TRIOBP: variants seen among roughly 807,000 people sequenced by gnomAD.
TRIOBP encodes TRIO and F-actin binding protein, also known as TRIO and F-actin-binding protein.
A neutral mutation model predicts 238.8 loss-of-function variants in TRIOBP; 169 were observed. The ratio of observed to expected loss-of-function variants is 0.71; its 90% CI spans 0.62 to 0.80. The LOEUF (loss-of-function observed/expected upper bound fraction) is 0.80, where lower values mean the gene tolerates loss of function less well. Ranked by LOEUF, TRIOBP falls within the 30% of genes least tolerant of loss-of-function variation. The pLI, the probability that TRIOBP is intolerant of heterozygous loss-of-function variation, is 0.00. For synonymous variants in TRIOBP, 1,150 were observed against 1,274.4 expected, an observed-to-expected ratio of 0.90 and a Z score of 2.08; for missense variants, 2,838 against 3,122.6, an observed-to-expected ratio of 0.91 and a Z score of 2.17.
chr22:37,730,284 G>C (rs751986081), intron 7 of TRIOBP, among the ~76,000 whole-genome samples: 1 of 152,302 alleles, frequency 6.6e-6, no homozygotes, highest in Non-Finnish European at 1.5e-5. Context: ...AGACGCTGTT[G>C]CTTCAGCATC....
intron 10 of TRIOBP, among the ~76,000 whole-genome samples, chr22:37,739,935 C>T (rs1350384854): frequency 6.6e-6 from 1 of 152,220 alleles, no homozygotes; most frequent in Non-Finnish European, 1.5e-5. Flanking sequence ...CCCTAGGCAG[C>T]CTTGACTGGT....
intron 11 of TRIOBP, among the ~76,000 whole-genome samples, chr22:37,744,215 G>A (rs34423496): frequency 0.014 from 2,153 of 152,022 alleles, 28 homozygotes; most frequent in Admixed American, 0.052. Context: ...TCACCATGTT[G>A]GCCAGCCTAG....
chr22:37,709,099 G>A (rs947313773), intron 3 of TRIOBP, among the ~76,000 whole-genome samples: 14 of 152,188 alleles, frequency 9.2e-5, no homozygotes, highest in African/African-American at 3.4e-4. Context: ...TGGCTGCAGG[G>A]CAGGGGGTGA....
At chr22:37,750,111 G>T (rs1025696220) in intron 11 of TRIOBP, among the ~76,000 whole-genome samples, 1 of 152,228 alleles carries the variant, frequency 6.6e-6, no homozygotes, top group Non-Finnish European at 1.5e-5. Context: ...TGCGGGAGGG[G>T]AGGACCGCCC....
intron 17 of TRIOBP, among the ~76,000 whole-genome samples, chr22:37,761,966 G>A (rs79442684): frequency 0.014 from 2,163 of 149,384 alleles, 59 homozygotes; most frequent in African/African-American, 0.051. Context: ...TTCTGCCTGC[G>A]TGCTCTGCTC....
At position 37,731,466 on chromosome 22, in the gene TRIOBP, ATATT is replaced by A. The variant is rs879496780; in HGVS notation, c.3948-1830_3948-1827del. On this transcript the variant is annotated intron_variant, in intron 7 of 23. Coordinates refer to ENST00000644935, the MANE Select transcript of TRIOBP (RefSeq NM_001039141.3). ...CTCCCAACCCCATATATATATATAT[ATATT>A]TTTTGAGACAGGGTCTCACTATGTC... Among the ~76,000 whole-genome samples, 54 of 57,332 alleles carry A rather than the reference ATATT, an allele frequency of 9.4e-4. No individual in the cohort carries two copies. In the Middle Eastern group the frequency reaches 0.038, roughly 40 times the overall value. 37.6% of individuals were successfully genotyped at this position (57,332 alleles called of 152,430 possible).
intron 8 of TRIOBP, 106 bp from the exon 9 acceptor site, chr22:37,734,293 C>A: frequency 9.2e-7 from 1 of 1,086,006 alleles, no homozygotes; most frequent in Non-Finnish European, 1.4e-6. Flanking sequence ...TTGATTCAGG[C>A]TGCTGTGTGG....
intron 18 of TRIOBP, among the ~76,000 whole-genome samples, chr22:37,766,467 C>T (rs1926498994): frequency 6.6e-6 from 1 of 152,258 alleles, no homozygotes; most frequent in South Asian, 2.1e-4. Context: ...AGCCTTGGGG[C>T]CAGTGTGCTC....
chr22:37,768,159 C>T lies in TRIOBP; in HGVS notation c.6558C>T (p.Gly2186=), dbSNP rs748422051. The T allele has an allele frequency of 1.2e-6, 2 of 1,612,602 alleles. No individual in the cohort carries two copies. The highest frequency in any genetic ancestry group is 2.2e-5 in the South Asian group (2 of 90,718). ...KTRSLQQGPD[G]LRKQHQSDVE... ...GGAGTCTCCAGCAGGGCCCGGATGG[C>T]CTCCGGAAGCAGCACCAGTAAGATG... Residue 2186 remains glycine, a synonymous_variant, in exon 19 of 24, where the codon GGC becomes GGT. Transcript: ENST00000644935.
chr22:37,733,312 C>G lies in TRIOBP; in HGVS notation c.3962C>G (p.Ala1321Gly), dbSNP rs1415329654. Reference sequence around the variant, plus strand: ...TTTGCTCATAGGAAGTCCGAGGCAGCGGGGGCCTTCCAGGCCCAGGACGAG... The same window carrying G: ...TTTGCTCATAGGAAGTCCGAGGCAGGGGGGGCCTTCCAGGCCCAGGACGAG... ...FGQERRKSEA[A>G]GAFQAQDEGR... Residue 1321 changes from alanine to glycine, a missense_variant, in exon 8 of 24, where the codon GCG becomes GGG. Ala to Gly is a moderately conservative substitution (Grantham distance 60). This residue lies in a region of TRIOBP where 2,096 missense variants were observed against 2,137.4 expected (regional missense o/e 0.98). Coordinates refer to ENST00000644935, the MANE Select transcript of TRIOBP (RefSeq NM_001039141.3). The G allele has an allele frequency of 1.3e-6, 2 of 1,550,724 alleles. No individual in the cohort carries two copies. The highest frequency in any genetic ancestry group is 4.9e-5 in the East Asian group (2 of 40,938).
rs770513532 is a variant in TRIOBP, at chr22:37,734,983, TG to T, written c.4649del (p.Gly1550AlafsTer60). The stretch of plus-strand genomic sequence containing the variant: ...CAGAGGGAGCGTGTCCATACCCGCG[TG>T]GCTCTGAGAGGCGACCCGAGCTTGA... Reference protein sequence around the residue: ...GAEGACPYPRGSERRPELDWR... With the variant: ...GAEGACPYPRXSERRPELDWR... On this transcript the variant is annotated frameshift_variant, in exon 9 of 24. Transcript: ENST00000644935. LOFTEE classifies it high-confidence loss of function. The T allele has an allele frequency of 1.5e-5, 25 of 1,613,274 alleles. No homozygotes were observed. The highest frequency in any genetic ancestry group is 2.1e-5 in the Non-Finnish European group (25 of 1,179,934).
chr22:37,714,008 C>T (rs1159929797), intron 5 of TRIOBP, among the ~76,000 whole-genome samples: 2 of 152,176 alleles, frequency 1.3e-5, no homozygotes, highest in Non-Finnish European at 2.9e-5. Context: ...AACAACCCAG[C>T]CTCACACGCT....
At chr22:37,753,385 C>A (rs10427904) in intron 12 of TRIOBP, among the ~76,000 whole-genome samples, 5,602 of 152,246 alleles carry the variant, frequency 0.037, 123 homozygotes, top group Middle Eastern at 0.082. Context: ...AGCGATTCTC[C>A]TGCCTCAGCC....
At chr22:37,772,468 T>C in intron 22 of TRIOBP, 133 bp from the exon 23 acceptor site, 2 of 1,295,246 alleles carry the variant, frequency 1.5e-6, no homozygotes, top group Non-Finnish European at 2.2e-6. Context: ...CCCACGGCCA[T>C]CTTGGGGAGC....
chr22:37,755,406 G>A, intron 14 of TRIOBP, 144 bp from the exon 15 acceptor site: 1 of 924,336 alleles, frequency 1.1e-6, no homozygotes. Context: ...CCAATGGAAG[G>A]GAGGTTTTGT....
Position 37,735,409 on chromosome 22 carries a change from C to G in TRIOBP, c.5073C>G (p.Ser1691Arg). ...AGACGGGCCCCCTGGGGAGCAGGAG[C>G]ACTGCGAAGGGCCCCAGCTTGCCAG... Reference protein sequence around the residue: ...LEQTGPLGSRSTAKGPSLPEL... With the variant: ...LEQTGPLGSRRTAKGPSLPEL... Residue 1691 changes from serine (S) to arginine (R), a missense_variant, in exon 9 of 24, where the codon AGC becomes AGG. Ser to Arg is a moderately radical substitution (Grantham distance 110). Around this residue, in one of 5 missense-constraint regions of TRIOBP, gnomAD observed 2,096 missense variants for 2,137.4 expected, o/e 0.98. Transcript: ENST00000644935. 6.3e-7 allele frequency: 1 copy of G among 1,588,348 alleles called. No individual in the cohort carries two copies. Among genetic ancestry groups the G allele is most frequent in the Non-Finnish European group, 8.6e-7 (1 of 1,167,800 alleles).
At chr22:37,749,330 G>A (rs1925452497) in intron 11 of TRIOBP, among the ~76,000 whole-genome samples, 1 of 152,136 alleles carries the variant, frequency 6.6e-6, no homozygotes, top group South Asian at 2.1e-4. Flanking sequence ...ACTCCAGCCT[G>A]GGCAGCAGAG....
At chr22:37,737,326 A>G (rs1032210646) in intron 9 of TRIOBP, among the ~76,000 whole-genome samples, 8 of 152,144 alleles carry the variant, frequency 5.3e-5, no homozygotes, top group African/African-American at 1.7e-4. Flanking sequence ...AGTAACCACC[A>G]GGTCCTGCTG....
chr22:37,773,547 C>T lies in TRIOBP; in HGVS notation c.*3-236C>T, dbSNP rs79524274. ...AGTGTTCTTATTTTTGCTTTTTCAA[C>T]GCCACATCTACCTGGAGCATCCTCT... On this transcript the variant is annotated intron_variant, in intron 23 of 23. Transcript: ENST00000644935. 1.6e-3 allele frequency among the ~76,000 whole-genome samples: 237 copies of T among 152,278 alleles called. 2 individuals are homozygous for T. In the East Asian group the frequency reaches 0.029, roughly 18 times the overall value.
Sources: allele counts gnomAD v4.1 joint callset (sites outside exome capture counted in the v4.1 genomes callset), GRCh38; gene constraint gnomAD v4.1.1; regional missense constraint gnomAD v4.1.1; transcripts MANE v1.5; gene names NCBI Gene and HGNC (gene_info 2026-07-23, HGNC 2026-07-21).